Variants in IPO11 observed in about 807,000 individuals in gnomAD.
The protein encoded by IPO11 is importin-11.
IPO11 carries 66 observed loss-of-function variants against 143.2 expected under a neutral mutation model. The ratio of observed to expected loss-of-function variants is 0.46; its 90% CI spans 0.38 to 0.57. The LOEUF is 0.57. Among genes scored for constraint, IPO11 ranks in the 20% least tolerant of loss-of-function variants. The probability of loss-of-function intolerance (pLI) is 0.00; values close to 1 mark genes in which losing one functional copy is unlikely to be tolerated. For missense variants in IPO11, 1,026 were observed against 1,141.0 expected, an observed-to-expected ratio of 0.90 and a Z score of 1.45; for synonymous variants, 385 against 377.8, an observed-to-expected ratio of 1.02 and a Z score of -0.22.
chr5:62,591,107 A>G (rs910884262), intron 27 of IPO11, among the ~76,000 whole-genome samples: 2 of 152,086 alleles, frequency 1.3e-5, no homozygotes, highest in African/African-American at 4.8e-5. Flanking sequence ...GCCTATTTTA[A>G]ATTGAAATTA....
chr5:62,435,089 T>G, intron 1 of IPO11, among the ~76,000 whole-genome samples: 1 of 85,420 alleles, frequency 1.2e-5, no homozygotes, highest in Non-Finnish European at 2.3e-5. Context: ...TATGTGTATA[T>G]ATGTATATAT....
At chr5:62,545,097 A>G (rs1022342335) in intron 24 of IPO11, among the ~76,000 whole-genome samples, 2 of 152,136 alleles carry the variant, frequency 1.3e-5, no homozygotes, top group East Asian at 3.8e-4. Flanking sequence ...GAAAAAAACT[A>G]CTTTAAAGTT....
At chr5:62,535,017 A>ATATTAATATTTATTTATTTATT (rs144278450) in intron 22 of IPO11, among the ~76,000 whole-genome samples, 1 of 142,620 alleles carries the variant, frequency 7.0e-6, no homozygotes, top group African/African-American at 2.6e-5. Context: ...TATAATATTA[A>ATATTAATATTTATTTATTTATT]TATTTATTTA....
At chr5:62,542,777 A>C (rs768554081) in intron 24 of IPO11, among the ~76,000 whole-genome samples, 1 of 152,102 alleles carries the variant, frequency 6.6e-6, no homozygotes, top group Non-Finnish European at 1.5e-5. Context: ...AACATTTCTC[A>C]TATTTGAAAT....
intron 26 of IPO11, among the ~76,000 whole-genome samples, chr5:62,559,576 T>C (rs1430510010): frequency 6.6e-6 from 1 of 152,158 alleles, no homozygotes; most frequent in Non-Finnish European, 1.5e-5. Context: ...AACCACTCTT[T>C]GTTGCTTTTG....
intron 27 of IPO11, among the ~76,000 whole-genome samples, chr5:62,564,829 G>A (rs890744344): frequency 2.6e-5 from 4 of 152,130 alleles, no homozygotes; most frequent in African/African-American, 7.2e-5. Context: ...CACTACTTTT[G>A]GCTTAGAAAT....
chr5:62,451,312 CTCA>C (rs1744918016), intron 4 of IPO11, among the ~76,000 whole-genome samples: 1 of 152,020 alleles, frequency 6.6e-6, no homozygotes, highest in African/African-American at 2.4e-5. Context: ...AAATAAAATA[CTCA>C]TCAACATAGC....
rs368412488 is a variant in IPO11 at position 62,494,149 on chromosome 5, G to A, written c.1590+25G>A. 7 of 1,584,636 alleles carry A rather than the reference G, an allele frequency of 4.4e-6. No homozygotes were observed. In the African/African-American group the frequency reaches 9.5e-5, roughly 21 times the overall value. ...GGTATGTTTCTTAAGTGCCTTAAAA[G>A]AGTTAGTTTTTAAAGTTTCATCTGT... On this transcript the variant is annotated intron_variant, in intron 16 of 29. Transcript: ENST00000325324.
At chr5:62,564,790 G>C (rs1053446301) in intron 27 of IPO11, among the ~76,000 whole-genome samples, 6 of 152,110 alleles carry the variant, frequency 3.9e-5, no homozygotes, top group Non-Finnish European at 8.8e-5. Flanking sequence ...TGACCATTTG[G>C]GAAATGGTTA....
At chr5:62,494,377 G>A (rs1325598713) in intron 16 of IPO11, among the ~76,000 whole-genome samples, 1 of 151,716 alleles carries the variant, frequency 6.6e-6, no homozygotes, top group African/African-American at 2.4e-5. Flanking sequence ...AGAAAAAAAG[G>A]CAGTTTTAAA....
At chr5:62,554,332 T>C (rs1229116474) in intron 26 of IPO11, among the ~76,000 whole-genome samples, 1 of 152,214 alleles carries the variant, frequency 6.6e-6, no homozygotes, top group Admixed American at 6.5e-5. Context: ...TTTGAGGTTT[T>C]ATTAGTAAAA....
At chr5:62,452,701 G>A (rs1236924585) in intron 5 of IPO11, among the ~76,000 whole-genome samples, 1 of 139,216 alleles carries the variant, frequency 7.2e-6, no homozygotes, top group Non-Finnish European at 1.5e-5. Flanking sequence ...TTTGAGACAG[G>A]GTTTTGTTCT....
intron 19 of IPO11, among the ~76,000 whole-genome samples, chr5:62,508,236 A>G (rs1209441976): frequency 6.6e-6 from 1 of 150,822 alleles, no homozygotes; most frequent in East Asian, 1.9e-4. Context: ...GGTTCAAGTG[A>G]TTCTTGTCCT....
intron 1 of IPO11, among the ~76,000 whole-genome samples, chr5:62,416,992 T>C (rs1003160345): frequency 6.6e-6 from 1 of 152,246 alleles, no homozygotes; most frequent in East Asian, 1.9e-4. Context: ...CTTGGCCTCC[T>C]GAAGTGTATT....
chr5:62,554,357 A>T (rs1026142343), intron 26 of IPO11, among the ~76,000 whole-genome samples: 1 of 152,106 alleles, frequency 6.6e-6, no homozygotes, highest in Non-Finnish European at 1.5e-5. Context: ...TTCCCTGACC[A>T]GAGTCCTGGA....
intron 5 of IPO11, among the ~76,000 whole-genome samples, chr5:62,466,609 G>A (rs1012363077): frequency 2.6e-5 from 4 of 152,118 alleles, no homozygotes; most frequent in African/African-American, 9.7e-5. Context: ...TGAGGGTCAG[G>A]TTTTTAAATA....
intron 27 of IPO11, among the ~76,000 whole-genome samples, chr5:62,590,749 A>C (rs1287437726): frequency 6.6e-6 from 1 of 152,104 alleles, no homozygotes; most frequent in Admixed American, 6.6e-5. Context: ...TTACCTCCTT[A>C]ATGTATAAAA....
chr5:62,435,172 G>GTATATATATGTA (rs368807385), intron 1 of IPO11, among the ~76,000 whole-genome samples: 4 of 88,312 alleles, frequency 4.5e-5, no homozygotes, highest in East Asian at 3.3e-4. Flanking sequence ...GTATATATAT[G>GTATATATATGTA]TATATATGTA....
intron 29 of IPO11, among the ~76,000 whole-genome samples, chr5:62,609,913 CAT>C (rs1258204631): frequency 1.3e-5 from 2 of 152,242 alleles, no homozygotes; most frequent in Non-Finnish European, 2.9e-5. Context: ...CTCGTAGTCA[CAT>C]GTGTAGGTCT....
Sources: allele counts gnomAD v4.1 joint callset (sites outside exome capture counted in the v4.1 genomes callset), GRCh38; gene constraint gnomAD v4.1.1; transcripts MANE v1.5; gene names NCBI Gene and HGNC (gene_info 2026-07-23, HGNC 2026-07-21).